The following SHISA6 variants were observed in gnomAD, a reference collection of about 807,000 sequenced individuals.
SHISA6 encodes shisa family member 6.
Under a neutral mutation model 47.9 loss-of-function variants are expected in SHISA6, and 22 were observed. That is an observed-to-expected ratio of 0.46 (90% CI 0.33 to 0.66). The LOEUF is 0.66. Ranked by LOEUF, SHISA6 falls within the 30% of genes least tolerant of loss-of-function variation. The probability of loss-of-function intolerance (pLI) is 0.02; values close to 1 mark genes in which losing one functional copy is unlikely to be tolerated. For missense variants in SHISA6, 680 were observed against 764.6 expected, an observed-to-expected ratio of 0.89 and a Z score of 1.30; for synonymous variants, 388 against 337.8, an observed-to-expected ratio of 1.15 and a Z score of -1.63.
intron 2 of SHISA6, among the ~76,000 whole-genome samples, chr17:11,331,630 A>G (rs1383697043): frequency 2.6e-5 from 4 of 152,138 alleles, no homozygotes; most frequent in Non-Finnish European, 5.9e-5. Flanking sequence ...TGCACTCACA[A>G]TGAAACTCCA....
At chr17:11,384,787 C>T (rs186611004) in intron 3 of SHISA6, among the ~76,000 whole-genome samples, 5 of 152,264 alleles carry the variant, frequency 3.3e-5, no homozygotes, top group Admixed American at 3.3e-4. Context: ...CAGGTCCTTT[C>T]TGCCATGCTG....
At chr17:11,527,424 GT>G (rs1205563202) in intron 3 of SHISA6, among the ~76,000 whole-genome samples, 1 of 152,098 alleles carries the variant, frequency 6.6e-6, no homozygotes, top group Non-Finnish European at 1.5e-5. Flanking sequence ...ATAAGAGTTG[GT>G]AAAAATGTTG....
chr17:11,468,057 A>T (rs1292912712), intron 3 of SHISA6, among the ~76,000 whole-genome samples: 1 of 151,852 alleles, frequency 6.6e-6, no homozygotes, highest in Non-Finnish European at 1.5e-5. Flanking sequence ...TATATTTTTA[A>T]TTTTCCTAAT....
At chr17:11,293,225 AAGGAGCTTTTTT>A (rs1232620958) in intron 2 of SHISA6, among the ~76,000 whole-genome samples, 11 of 152,298 alleles carry the variant, frequency 7.2e-5, no homozygotes, top group Middle Eastern at 6.8e-3. Flanking sequence ...ATATGGAATC[AAGGAGCTTTTTT>A]TCGCAGGTCA....
intron 3 of SHISA6, among the ~76,000 whole-genome samples, chr17:11,533,227 G>A (rs756901406): frequency 1.3e-4 from 20 of 152,080 alleles, no homozygotes; most frequent in Non-Finnish European, 2.2e-4. Flanking sequence ...TTCAGCTGCC[G>A]TTACCTCCCA....
At chr17:11,353,853 G>A (rs1014151317) in intron 2 of SHISA6, among the ~76,000 whole-genome samples, 2 of 152,146 alleles carry the variant, frequency 1.3e-5, no homozygotes, top group Admixed American at 6.5e-5. Context: ...TGTCCTGGGC[G>A]TGCTGTATAA....
chr17:11,266,132 T>C (rs1908416665), intron 2 of SHISA6, among the ~76,000 whole-genome samples: 1 of 152,210 alleles, frequency 6.6e-6, no homozygotes. Context: ...TATTGCAGTT[T>C]GAGCAGAAGT....
At chr17:11,426,664 C>T (rs532548307) in intron 3 of SHISA6, among the ~76,000 whole-genome samples, 17 of 152,154 alleles carry the variant, frequency 1.1e-4, no homozygotes, top group South Asian at 8.3e-4. Context: ...AAACTTAATA[C>T]GTCTAGATAA....
At chr17:11,316,275 C>T (rs1225490036) in intron 2 of SHISA6, among the ~76,000 whole-genome samples, 4 of 138,500 alleles carry the variant, frequency 2.9e-5, no homozygotes, top group Non-Finnish European at 6.2e-5. Context: ...ACCAGTTTTT[C>T]TGTTTTATTT....
intron 3 of SHISA6, among the ~76,000 whole-genome samples, chr17:11,536,740 A>T (rs2071791370): frequency 6.6e-6 from 1 of 152,050 alleles, no homozygotes; most frequent in Admixed American, 6.6e-5. Context: ...TGGTGCTCAC[A>T]CCTGATTCCA....
chr17:11,310,902 A>T lies in SHISA6; in HGVS notation c.799+47376A>T, dbSNP rs563562999. 4.8e-3 allele frequency among the ~76,000 whole-genome samples: 723 copies of T among 152,028 alleles called. 1 individual carries two copies. The highest frequency in any genetic ancestry group is 7.4e-3 in the Non-Finnish European group (504 of 67,988). The stretch of plus-strand genomic sequence containing the variant: ...GGTGGGCGCATCACAAGGTCAGGAG[A>T]TCGAGACCATCCTGGCTAACGTGGT... On this transcript the variant is annotated intron_variant, in intron 2 of 5. Transcript: ENST00000441885.
chr17:11,525,582 G>A (rs3095684), intron 3 of SHISA6, among the ~76,000 whole-genome samples: 65,689 of 139,706 alleles, frequency 0.47, 15,034 homozygotes, highest in East Asian at 0.6. Context: ...GCAGGGAGCC[G>A]AGATCGCGCC....
chr17:11,278,887 G>A (rs1909024038), intron 2 of SHISA6, among the ~76,000 whole-genome samples: 4 of 152,214 alleles, frequency 2.6e-5, no homozygotes. Context: ...GAGGAGGCGG[G>A]GCAGGGCAGG....
Position 11,380,223 on chromosome 17 carries a change from G to A in SHISA6, c.895+714G>A, listed in dbSNP as rs1321176055. On this transcript the variant is annotated intron_variant, in intron 3 of 5. Coordinates refer to ENST00000441885, the MANE Select transcript of SHISA6 (RefSeq NM_207386.4). ...CTTTAATTACCGTCCCAACACCTGT[G>A]TGCTGTTATAGATCAAATGTGAATT... is the stretch of plus-strand genomic sequence containing the variant. The A allele has an allele frequency of 2.0e-5, 3 of 152,216 alleles. 1 individual carries two copies. Among genetic ancestry groups the A allele is most frequent in the Non-Finnish European group, 4.4e-5 (3 of 68,054 alleles). The allele number at this position is 152,216 out of a possible 1,614,324, so 9.4% of individuals were successfully genotyped here. A position where few individuals can be genotyped will look rare whatever the true frequency, so the allele number is the denominator to read the frequency against.
intron 1 of SHISA6, among the ~76,000 whole-genome samples, chr17:11,259,741 C>T (rs1318943576): frequency 2.0e-5 from 3 of 152,194 alleles, no homozygotes; most frequent in Non-Finnish European, 4.4e-5. Flanking sequence ...AATTGTTTCT[C>T]CATGCCCAAA....
At chr17:11,322,974 T>A (rs1910760426) in intron 2 of SHISA6, among the ~76,000 whole-genome samples, 1 of 151,974 alleles carries the variant, frequency 6.6e-6, no homozygotes. Flanking sequence ...GCAGAAAGAG[T>A]TAAACTAGGG....
rs540538207 is a variant in SHISA6 at position 11,563,373 on chromosome 17, G to A, written c.*5069G>A. 3.3e-5 allele frequency: 5 copies of A among 152,296 alleles called. No individual in the cohort carries two copies. In the South Asian group the frequency reaches 8.3e-4, roughly 25 times the overall value. 9.4% of individuals were successfully genotyped at this position (152,296 alleles called of 1,614,324 possible). On this transcript the variant is annotated 3_prime_UTR_variant, in exon 6 of 6. Transcript: ENST00000441885. ...CATCCTAGTACCTTTGTAGCCCTTC[G>A]TCATGACACTACCGTCCTCCCGGTG...
At chr17:11,453,848 G>C (rs549454611) in intron 3 of SHISA6, among the ~76,000 whole-genome samples, 2 of 152,266 alleles carry the variant, frequency 1.3e-5, no homozygotes, top group South Asian at 4.1e-4. Context: ...TTCTGGAAAA[G>C]GTCAGACTAT....
At chr17:11,548,468 A>G (rs2071901925) in intron 3 of SHISA6, among the ~76,000 whole-genome samples, 1 of 147,364 alleles carries the variant, frequency 6.8e-6, no homozygotes, top group Non-Finnish European at 1.5e-5. Context: ...TACATATATC[A>G]CAAGAAAATA....
Sources: allele counts gnomAD v4.1 joint callset (sites outside exome capture counted in the v4.1 genomes callset), GRCh38; gene constraint gnomAD v4.1.1; transcripts MANE v1.5; gene names NCBI Gene and HGNC (gene_info 2026-07-23, HGNC 2026-07-21).